TMEM114: variants seen among roughly 807,000 people sequenced by gnomAD.
The protein encoded by TMEM114 is claudin-26.
TMEM114 carries 6 observed loss-of-function variants against 6.2 expected under a neutral mutation model. That is an observed-to-expected ratio of 0.97 (90% CI 0.53 to 1.91). TMEM114 has a LOEUF of 1.91. Among genes scored for constraint, TMEM114 ranks in the 40% most tolerant of loss-of-function variants. The pLI, the probability that TMEM114 is intolerant of heterozygous loss-of-function variation, is 0.01. For synonymous variants in TMEM114, 104 were observed against 73.0 expected, an observed-to-expected ratio of 1.42 and a Z score of -2.16; for missense variants, 218 against 158.3, an observed-to-expected ratio of 1.38 and a Z score of -2.02.
At chr16:8,568,803 T>A (rs993906544), downstream of TMEM114, among the ~76,000 whole-genome samples, 3 of 152,200 alleles carry the variant, frequency 2.0e-5, no homozygotes, top group Non-Finnish European at 2.9e-5. Flanking sequence ...CACTGATGCC[T>A]GGACACCAGC....
chr16:8,586,574 A>G (rs1037162696), intron 2 of TMEM114, among the ~76,000 whole-genome samples: 2 of 151,678 alleles, frequency 1.3e-5, no homozygotes, highest in Non-Finnish European at 2.9e-5. Flanking sequence ...CAGTGGTGCA[A>G]TCTCAGCTCA....
chr16:8,583,571 C>G (rs1323426758), intron 2 of TMEM114, among the ~76,000 whole-genome samples: 1 of 152,010 alleles, frequency 6.6e-6, no homozygotes, highest in Non-Finnish European at 1.5e-5. Flanking sequence ...ATAGTAAGAC[C>G]CCCATCTCTA....
chr16:8,545,907 G>T lies in TMEM114; in HGVS notation n.213-8081C>A, dbSNP rs142611579. ...AGGGAGAAGGATTGCTTGAGCCCAA[G>T]AGTTTGAAACCAGCCTGGGCAACAT... On this transcript the variant is annotated intron_variant and non_coding_transcript_variant, in intron 2 of 2. Coordinates refer to the TMEM114 transcript ENST00000623677. Among the ~76,000 whole-genome samples, 524 of 152,278 alleles carry T rather than the reference G, an allele frequency of 3.4e-3. 3 individuals are homozygous for T. Among genetic ancestry groups the T allele is most frequent in the African/African-American group, 0.012 (501 of 41,548 alleles).
intron 2 of TMEM114, among the ~76,000 whole-genome samples, chr16:8,552,288 G>T (rs1227033206): frequency 2.0e-5 from 3 of 152,118 alleles, no homozygotes; most frequent in African/African-American, 7.2e-5. Flanking sequence ...GGGGGCTAAG[G>T]TGGGAGCATC....
At chr16:8,540,692 TG>T (rs1567193933) in intron 2 of TMEM114, among the ~76,000 whole-genome samples, 2 of 152,198 alleles carry the variant, frequency 1.3e-5, no homozygotes, top group African/African-American at 2.4e-5. Context: ...TGGGAACCAG[TG>T]GTAAGCAAAG....
At chr16:8,553,216 C>T (rs903763914) in intron 2 of TMEM114, among the ~76,000 whole-genome samples, 1 of 152,244 alleles carries the variant, frequency 6.6e-6, no homozygotes, top group Non-Finnish European at 1.5e-5. Flanking sequence ...AGTGCCCCTG[C>T]TTTCCAGACC....
At position 8,559,291 on chromosome 16, in the gene TMEM114, C is replaced by A. The variant is rs372805620; in HGVS notation, n.213-21465G>T. On this transcript the variant is annotated intron_variant and non_coding_transcript_variant, in intron 2 of 2. Transcript: ENST00000623677. ...CTCATAACCTCAAGTGATCCGCCCA[C>A]CTCAGCCTCCCAAAACGCTGGGATT... Among the ~76,000 whole-genome samples the A allele has an allele frequency of 3.9e-5, 6 of 152,234 alleles. No homozygotes were observed. The South Asian group carries it at 1.2e-3, about 32-fold the overall frequency.
downstream of TMEM114, among the ~76,000 whole-genome samples, chr16:8,537,270 GC>G (rs1412265417): frequency 6.6e-6 from 1 of 152,150 alleles, no homozygotes; most frequent in Non-Finnish European, 1.5e-5. Flanking sequence ...GGAGGCCAAG[GC>G]CGGCAGATGA....
At chr16:8,552,983 T>A (rs535890612) in intron 2 of TMEM114, among the ~76,000 whole-genome samples, 2 of 152,368 alleles carry the variant, frequency 1.3e-5, no homozygotes, top group Admixed American at 1.3e-4. Flanking sequence ...CATCCTTTTA[T>A]CCAGGTCCTT....
intron 3 of TMEM114, among the ~76,000 whole-genome samples, chr16:8,571,017 G>T (rs1019998616): frequency 6.6e-6 from 1 of 152,084 alleles, no homozygotes; most frequent in African/African-American, 2.4e-5. Flanking sequence ...TAATAATAGT[G>T]AGTGGTTAGA....
the TMEM114 span, among the ~76,000 whole-genome samples, chr16:8,529,570 C>T: frequency 6.6e-6 from 1 of 152,188 alleles, no homozygotes; most frequent in African/African-American, 2.4e-5. Context: ...GATCCCCCTT[C>T]AGATGAACTG....
chr16:8,529,327 G>C, the TMEM114 span, among the ~76,000 whole-genome samples: 5 of 152,244 alleles, frequency 3.3e-5, no homozygotes, highest in African/African-American at 1.2e-4. Context: ...AAAGCCATCT[G>C]AGACCGTTGG....
At chr16:8,589,490 G>A (rs937223819) in intron 1 of TMEM114, 129 bp downstream of exon 1, 6 of 397,946 alleles carry the variant, frequency 1.5e-5, no homozygotes, top group African/African-American at 8.2e-5. Context: ...CCTTCCCCCC[G>A]AGTCCCTAGA....
At chr16:8,545,782 A>G (rs1429826539) in intron 2 of TMEM114, among the ~76,000 whole-genome samples, 1 of 152,064 alleles carries the variant, frequency 6.6e-6, no homozygotes, top group African/African-American at 2.4e-5. Flanking sequence ...TTTCTTACAT[A>G]TTTTACCCTT....
At chr16:8,537,576 T>C (rs979573396), downstream of TMEM114, 1 of 152,174 alleles carries the variant, frequency 6.6e-6, no homozygotes, top group Non-Finnish European at 1.5e-5. Context: ...ATATAACTGA[T>C]GCTAATATTT....
intron 2 of TMEM114, among the ~76,000 whole-genome samples, chr16:8,553,600 C>G (rs1015640283): frequency 6.6e-6 from 1 of 152,180 alleles, no homozygotes; most frequent in Admixed American, 6.5e-5. Flanking sequence ...ATTCTCCTGC[C>G]TCAGCCTCCC....
At chr16:8,544,099 C>T (rs1430073180) in intron 2 of TMEM114, among the ~76,000 whole-genome samples, 1 of 152,174 alleles carries the variant, frequency 6.6e-6, no homozygotes, top group African/African-American at 2.4e-5. Flanking sequence ...CTTTTTCCTT[C>T]ACTGTGATTT....
intron 2 of TMEM114, among the ~76,000 whole-genome samples, chr16:8,539,951 G>T (rs533189351): frequency 6.6e-6 from 1 of 152,210 alleles, no homozygotes; most frequent in South Asian, 2.1e-4. Flanking sequence ...TGGAATAGCT[G>T]GGATTACAGG....
At chr16:8,560,599 C>T (rs746233678) in intron 2 of TMEM114, among the ~76,000 whole-genome samples, 7 of 152,200 alleles carry the variant, frequency 4.6e-5, no homozygotes, top group Non-Finnish European at 1.0e-4. Context: ...AAGGGAGATT[C>T]TGAGGCTGGA....
Sources: allele counts gnomAD v4.1 joint callset (sites outside exome capture counted in the v4.1 genomes callset), GRCh38; gene constraint gnomAD v4.1.1; transcripts MANE v1.5; gene names NCBI Gene and HGNC (gene_info 2026-07-23, HGNC 2026-07-21).